ZDHHC20: variants seen among roughly 807,000 people sequenced by gnomAD.
ZDHHC20 encodes zDHHC palmitoyltransferase 20.
A neutral mutation model predicts 57.8 loss-of-function variants in ZDHHC20; 43 were observed. That is an observed-to-expected ratio of 0.74 (90% confidence interval 0.58 to 0.96). ZDHHC20 has a LOEUF of 0.96. Among genes scored for constraint, ZDHHC20 ranks in the 40% least tolerant of loss-of-function variants. ZDHHC20 has a pLI of 0.00. For missense variants in ZDHHC20, 391 were observed against 441.1 expected, an observed-to-expected ratio of 0.89 and a Z score of 1.02; for synonymous variants, 157 against 153.0, an observed-to-expected ratio of 1.03 and a Z score of -0.19.
intron 7 of ZDHHC20, among the ~76,000 whole-genome samples, chr13:21,398,795 C>CT (rs1422807338): frequency 8.5e-5 from 13 of 152,258 alleles, no homozygotes; most frequent in African/African-American, 2.9e-4. Context: ...TTCCTCATGT[C>CT]TACTGGTTCA....
Position 21,400,372 on chromosome 13 carries a change from C to T in ZDHHC20, c.594+1G>A, listed in dbSNP as rs1433159437. The T allele has an allele frequency of 4.2e-5, 66 of 1,578,062 alleles. No individual in the cohort carries two copies. The highest frequency in any genetic ancestry group is 5.5e-5 in the Non-Finnish European group (64 of 1,170,240). Reference sequence around the variant, plus strand: ...GTTTCAAGATAGAAAAAAAGACTTACCGTCCAAAATTTTATAAAGTACTCT... The same window carrying T: ...GTTTCAAGATAGAAAAAAAGACTTATCGTCCAAAATTTTATAAAGTACTCT... On this transcript the variant is annotated splice_donor_variant, in intron 7 of 12. Transcript: ENST00000400590. LOFTEE classifies it high-confidence loss of function.
At chr13:21,387,721 CTT>C (rs1240456127) in intron 8 of ZDHHC20, 87 bp from the exon 9 acceptor site, 4 of 732,298 alleles carry the variant, frequency 5.5e-6, no homozygotes, top group Non-Finnish European at 7.7e-6. Flanking sequence ...TTGCTTATAT[CTT>C]TGACACAAAA....
intron 1 of ZDHHC20, among the ~76,000 whole-genome samples, chr13:21,430,599 G>A (rs1303415415): frequency 6.6e-6 from 1 of 152,042 alleles, no homozygotes; most frequent in African/African-American, 2.4e-5. Context: ...ATGGAGCACA[G>A]TTTGTCTATT....
At chr13:21,431,333 C>T (rs1024583915) in intron 1 of ZDHHC20, among the ~76,000 whole-genome samples, 4 of 152,164 alleles carry the variant, frequency 2.6e-5, no homozygotes, top group Admixed American at 6.5e-5. Flanking sequence ...GACTCATTCA[C>T]TACCACGAGA....
intron 1 of ZDHHC20, among the ~76,000 whole-genome samples, chr13:21,458,050 T>C (rs996998765): frequency 1.3e-5 from 2 of 152,214 alleles, no homozygotes; most frequent in Non-Finnish European, 2.9e-5. Flanking sequence ...CCAGTTTAAG[T>C]GTAAAATACC....
intron 1 of ZDHHC20, among the ~76,000 whole-genome samples, chr13:21,448,254 G>A (rs1366462840): frequency 1.0e-4 from 7 of 68,298 alleles, no homozygotes; most frequent in African/African-American, 1.5e-4. Flanking sequence ...GCCTCTGCCC[G>A]GCCGCCCCTA....
chr13:21,396,842 A>AAAAAAAG (rs5802110), intron 7 of ZDHHC20, among the ~76,000 whole-genome samples: 2 of 148,078 alleles, frequency 1.4e-5, no homozygotes, highest in African/African-American at 2.5e-5. Flanking sequence ...CAAAAAAAAA[A>AAAAAAAG]AAAGAAAGAA....
At chr13:21,384,457 CAAAAAAAAAAAAA>C (rs11358320) in intron 9 of ZDHHC20, among the ~76,000 whole-genome samples, 4 of 76,140 alleles carry the variant, frequency 5.3e-5, no homozygotes, top group Non-Finnish European at 7.1e-5. Context: ...ACTCTATCTC[CAAAAAAAAAAAAA>C]AAAAAAAAAA....
chr13:21,450,543 A>G (rs904028010), intron 1 of ZDHHC20, among the ~76,000 whole-genome samples: 1 of 152,190 alleles, frequency 6.6e-6, no homozygotes, highest in African/African-American at 2.4e-5. Context: ...AACACAGAAA[A>G]TAATACCAGG....
intron 6 of ZDHHC20, among the ~76,000 whole-genome samples, chr13:21,401,069 G>A (rs1294388924): frequency 1.3e-5 from 2 of 152,056 alleles, no homozygotes. Flanking sequence ...CTTAAGCCCA[G>A]GAGTGCAAGA....
At chr13:21,378,768 CAAAAAA>C (rs751093398) in intron 11 of ZDHHC20, 30 bp from the exon 12 acceptor site, 102 of 688,538 alleles carry the variant, frequency 1.5e-4, no homozygotes, top group South Asian at 3.9e-4. Context: ...TATGACATGA[CAAAAAA>C]AAAAAAAAAA....
chr13:21,435,898 G>A (rs191637124), intron 1 of ZDHHC20, among the ~76,000 whole-genome samples: 1 of 152,348 alleles, frequency 6.6e-6, no homozygotes, highest in Non-Finnish European at 1.5e-5. Context: ...ATATGTGAAA[G>A]GAAGGGGGAA....
At chr13:21,383,056 C>T in intron 9 of ZDHHC20, 47 bp from the exon 10 acceptor site, 1 of 1,474,360 alleles carries the variant, frequency 6.8e-7, no homozygotes, top group Non-Finnish European at 9.3e-7. Context: ...TAAGTTAAAT[C>T]AAAATGGTCA....
intron 1 of ZDHHC20, among the ~76,000 whole-genome samples, chr13:21,454,132 C>T (rs1057088637): frequency 2.6e-5 from 4 of 152,094 alleles, no homozygotes; most frequent in African/African-American, 7.2e-5. Context: ...TGAAGACCAC[C>T]CTGGCCAACA....
intron 1 of ZDHHC20, among the ~76,000 whole-genome samples, chr13:21,442,991 C>T (rs1339773100): frequency 1.3e-5 from 2 of 152,150 alleles, no homozygotes; most frequent in Non-Finnish European, 2.9e-5. Flanking sequence ...AAGAAACCCT[C>T]TGGGGCAAAA....
At chr13:21,397,192 C>G (rs1286960840) in intron 7 of ZDHHC20, among the ~76,000 whole-genome samples, 2 of 151,886 alleles carry the variant, frequency 1.3e-5, no homozygotes, top group Non-Finnish European at 2.9e-5. Flanking sequence ...GTCAGGAGTT[C>G]AAGACTGGCC....
intron 1 of ZDHHC20, among the ~76,000 whole-genome samples, chr13:21,431,186 G>T (rs565265942): frequency 2.0e-5 from 3 of 152,242 alleles, no homozygotes; most frequent in South Asian, 4.2e-4. Context: ...GGTTTAATTG[G>T]ACTCACAGTT....
chr13:21,432,228 C>A (rs557472114), intron 1 of ZDHHC20, among the ~76,000 whole-genome samples: 1 of 150,770 alleles, frequency 6.6e-6, no homozygotes, highest in African/African-American at 2.4e-5. Flanking sequence ...TGCAGTGGTG[C>A]GATTTCAGCT....
chr13:21,440,657 T>C (rs1251593482), intron 1 of ZDHHC20, among the ~76,000 whole-genome samples: 1 of 152,000 alleles, frequency 6.6e-6, no homozygotes, highest in Admixed American at 6.6e-5. Context: ...TGTATATATA[T>C]ATATGACAAA....
Sources: gnomAD v4.1 joint callset for allele counts (sites outside exome capture counted in the v4.1 genomes callset) on GRCh38, gnomAD v4.1.1 for gene constraint, MANE v1.5 for transcripts, NCBI Gene and HGNC (gene_info 2026-07-23, HGNC 2026-07-21) for gene names.